Variants in ZNF124 observed in about 807,000 individuals in gnomAD.
ZNF124 encodes zinc finger protein 124.
A neutral mutation model predicts 26.6 loss-of-function variants in ZNF124; 25 were observed. The observed-to-expected ratio is 0.94, with a 90% CI of 0.68 to 1.31. The LOEUF (loss-of-function observed/expected upper bound fraction) is 1.31. Among genes scored for constraint, ZNF124 ranks in the 40% most tolerant of loss-of-function variants. The pLI is 0.00. For synonymous variants in ZNF124, 129 were observed against 133.3 expected (o/e 0.97, Z 0.22); for missense variants, 444 against 422.2 (o/e 1.05, Z -0.45).
chr1:247,154,502 C>T (rs550753260), downstream of ZNF124, among the ~76,000 whole-genome samples: 42 of 152,208 alleles, frequency 2.8e-4, no homozygotes, highest in Middle Eastern at 3.4e-3. Flanking sequence ...CAAGAATGAA[C>T]TAATAAACTA....
intron 3 of ZNF124, among the ~76,000 whole-genome samples, chr1:247,132,888 C>T (rs1036354788): frequency 6.6e-5 from 10 of 152,130 alleles, no homozygotes; most frequent in South Asian, 2.1e-4. Context: ...TTAAAAGGGA[C>T]GGAATTGCTC....
At chr1:247,161,988 T>C (rs560546872) in intron 1 of ZNF124, among the ~76,000 whole-genome samples, 1 of 152,286 alleles carries the variant, frequency 6.6e-6, no homozygotes, top group South Asian at 2.1e-4. Context: ...TTCAGCATTC[T>C]TAAGGAAAAG....
downstream of ZNF124, among the ~76,000 whole-genome samples, chr1:247,153,119 T>C (rs539320149): frequency 6.1e-4 from 90 of 147,782 alleles, no homozygotes; most frequent in Non-Finnish European, 1.0e-3. Context: ...GGCAACAGAG[T>C]GAGACTCCAT....
At chr1:247,144,348 A>G (rs1411064834) in intron 3 of ZNF124, among the ~76,000 whole-genome samples, 1 of 152,218 alleles carries the variant, frequency 6.6e-6, no homozygotes, top group Non-Finnish European at 1.5e-5. Flanking sequence ...AAAAATGTTT[A>G]CATAAAACTC....
intron 3 of ZNF124, 33 bp downstream of exon 3, chr1:247,158,973 G>A (rs761711009): frequency 1.3e-6 from 2 of 1,594,430 alleles, no homozygotes; most frequent in East Asian, 2.2e-5. Flanking sequence ...TTGACCCCAA[G>A]GGGGACTGCT....
chr1:247,148,962 T>A (rs1308191528), intron 3 of ZNF124, among the ~76,000 whole-genome samples: 1 of 150,744 alleles, frequency 6.6e-6, no homozygotes, highest in Admixed American at 6.6e-5. Context: ...AGAGTGAGAC[T>A]CCGTCTCAAA....
At chr1:247,134,201 G>A (rs1259318768) in intron 3 of ZNF124, among the ~76,000 whole-genome samples, 2 of 152,020 alleles carry the variant, frequency 1.3e-5, no homozygotes, top group African/African-American at 4.8e-5. Flanking sequence ...ATCAACTAAT[G>A]GGCAAAATAA....
intron 3 of ZNF124, among the ~76,000 whole-genome samples, chr1:247,139,602 A>AT (rs1158245126): frequency 6.6e-6 from 1 of 152,080 alleles, no homozygotes; most frequent in Non-Finnish European, 1.5e-5. Flanking sequence ...TGATCTGTGT[A>AT]TTTAAGTGTG....
chr1:247,165,549 A>G (rs978259265), intron 1 of ZNF124, among the ~76,000 whole-genome samples: 4 of 152,220 alleles, frequency 2.6e-5, no homozygotes, highest in African/African-American at 7.2e-5. Context: ...CACAAAAGAA[A>G]AAGTTGACAA....
rs1211023756 is a variant in ZNF124, at chr1:247,123,975, C to T, written c.219-104G>A. On this transcript the variant is annotated intron_variant, in intron 3 of 3. Coordinates refer to the ZNF124 transcript ENST00000472531. ...GTGCTTTTAGCTGGGACTACAGGCA[C>T]CCGCCACCACGCCCGGCTAATTTTT... 8.7e-6 allele frequency: 6 copies of T among 690,488 alleles called. No individual in the cohort carries two copies. In the African/African-American group the frequency reaches 1.1e-4, roughly 12 times the overall value. The allele number at this position is 690,488 out of a possible 1,614,324, so 42.8% of individuals were successfully genotyped here.
At chr1:247,134,420 C>G (rs780072301) in intron 3 of ZNF124, among the ~76,000 whole-genome samples, 165 of 151,838 alleles carry the variant, frequency 1.1e-3, no homozygotes, top group Admixed American at 2.3e-3. Flanking sequence ...ATTTACCAAG[C>G]AAATGTAAAG....
exon 4 of ZNF124, chr1:247,123,852 G>T (rs1672139503): frequency 4.3e-6 from 3 of 702,098 alleles, no homozygotes; most frequent in Non-Finnish European, 7.8e-6. Flanking sequence ...CCTTGTCTTG[G>T]AAAGTTATAT....
At chr1:247,144,964 C>T (rs1199484289) in intron 3 of ZNF124, among the ~76,000 whole-genome samples, 4 of 151,978 alleles carry the variant, frequency 2.6e-5, no homozygotes, top group Admixed American at 1.3e-4. Context: ...TTAGTAGAAC[C>T]GGGGTTTCAC....
intron 3 of ZNF124, among the ~76,000 whole-genome samples, chr1:247,145,640 T>C (rs1672755497): frequency 6.6e-6 from 1 of 152,068 alleles, no homozygotes; most frequent in African/African-American, 2.4e-5. Context: ...TCTGTTTTTT[T>C]TTTTTTTGAC....
chr1:247,125,137 G>C (rs939729306), intron 3 of ZNF124, among the ~76,000 whole-genome samples: 2 of 152,142 alleles, frequency 1.3e-5, no homozygotes, highest in African/African-American at 4.8e-5. Context: ...AGATTTCATT[G>C]CAAGGATAGA....
chr1:247,145,560 A>G (rs1030910784), intron 3 of ZNF124, among the ~76,000 whole-genome samples: 2 of 152,110 alleles, frequency 1.3e-5, no homozygotes, highest in African/African-American at 4.8e-5. Flanking sequence ...AGCATTAGAC[A>G]TGGATTCAGA....
At chr1:247,130,827 C>T (rs867809839) in intron 3 of ZNF124, among the ~76,000 whole-genome samples, 1 of 152,166 alleles carries the variant, frequency 6.6e-6, no homozygotes, top group Non-Finnish European at 1.5e-5. Flanking sequence ...CCTGTAATCC[C>T]AGCACTTTGG....
At chr1:247,124,019 G>A (rs1365706521) in intron 3 of ZNF124, 5 of 503,698 alleles carry the variant, frequency 9.9e-6, no homozygotes, top group African/African-American at 7.1e-5. Context: ...TAGTAGAGAC[G>A]GGGTTTCACC....
At chr1:247,162,791 G>A (rs535081727) in intron 1 of ZNF124, among the ~76,000 whole-genome samples, 33 of 152,116 alleles carry the variant, frequency 2.2e-4, no homozygotes, top group African/African-American at 3.6e-4. Context: ...AGATTCATAC[G>A]GCAAATTCTT....
Sources: gnomAD v4.1 joint callset for allele counts (sites outside exome capture counted in the v4.1 genomes callset) on GRCh38, gnomAD v4.1.1 for gene constraint, MANE v1.5 for transcripts, NCBI Gene and HGNC (gene_info 2026-07-23, HGNC 2026-07-21) for gene names.